PSMC1: variants seen among roughly 807,000 people sequenced by gnomAD.
PSMC1 encodes proteasome 26S subunit, ATPase 1.
A neutral mutation model predicts 49.8 loss-of-function variants in PSMC1; 5 were observed. The observed-to-expected ratio is 0.10, with a 90% CI of 0.05 to 0.21. The LOEUF is 0.21. Among genes scored for constraint, PSMC1 ranks in the 10% least tolerant of loss-of-function variants. PSMC1 has a pLI of 1.00. For synonymous variants in PSMC1, 155 were observed against 192.1 expected (o/e 0.81, Z 1.60); for missense variants, 181 against 535.7 (o/e 0.34, Z 6.54).
rs1595042316 is a variant in PSMC1 at position 90,264,021 on chromosome 14, A to C, written c.466-20A>C. ...AGCAAACCTCACGTTCCTGTGTTAAACCTTGATGTTTCCTGTTAGGTGCAT... is the reference window on the plus strand; with the variant it reads ...AGCAAACCTCACGTTCCTGTGTTAACCCTTGATGTTTCCTGTTAGGTGCAT... On this transcript the variant is annotated intron_variant, in intron 5 of 10. Transcript: ENST00000261303. 12 of 1,602,416 alleles carry C rather than the reference A, an allele frequency of 7.5e-6. No homozygotes were observed. Among genetic ancestry groups the C allele is most frequent in the Non-Finnish European group, 1.0e-5 (12 of 1,175,440 alleles).
rs1174630156 is a variant in PSMC1, at chr14:90,273,332, G to A, written c.*925G>A. On this transcript the variant is annotated 3_prime_UTR_variant, in exon 11 of 11. Transcript: ENST00000261303. ...CCCAGCACTTTGGGAAGCTGAGGCA[G>A]GCGGATCACAAGGTCAGAAGTTTGA... 6.6e-6 allele frequency: 1 copy of A among 152,234 alleles called. No individual in the cohort carries two copies. The highest frequency in any genetic ancestry group is 6.5e-5 in the Admixed American group (1 of 15,280). The allele number at this position is 152,234 out of a possible 1,614,324, so 9.4% of individuals were successfully genotyped here.
intron 6 of PSMC1, 21 bp from the exon 7 acceptor site, chr14:90,265,049 C>G (rs746729542): frequency 5.8e-6 from 9 of 1,541,228 alleles, no homozygotes; most frequent in Non-Finnish European, 8.1e-6. Context: ...TAAAGCCTTT[C>G]ATTCATACTG....
Position 90,262,565 on chromosome 14 carries a change from A to G in PSMC1, c.155-753A>G, listed in dbSNP as rs1380720252. Among the ~76,000 whole-genome samples, 3 of 152,232 alleles carry G rather than the reference A, an allele frequency of 2.0e-5. No individual in the cohort carries two copies. The East Asian group carries it at 5.8e-4, about 29-fold the overall frequency. On this transcript the variant is annotated intron_variant, in intron 3 of 10. Coordinates refer to ENST00000261303, the MANE Select transcript of PSMC1 (RefSeq NM_002802.3). ...TTTGGGAGGCTGAGGCAGGTGGATC[A>G]CGAGGTCAGGAGATTGGGACCATCC...
chr14:90,256,959 G>A (rs1256625080), intron 1 of PSMC1, among the ~76,000 whole-genome samples: 1 of 152,118 alleles, frequency 6.6e-6, no homozygotes, highest in Non-Finnish European at 1.5e-5. Flanking sequence ...CGAGTCACCG[G>A]GAAAAATGCT....
intron 7 of PSMC1, 98 bp from the exon 8 acceptor site, chr14:90,268,126 G>A: frequency 9.9e-7 from 1 of 1,011,240 alleles, no homozygotes; most frequent in Non-Finnish European, 1.4e-6. Context: ...GGGCCCGCCT[G>A]TTTTTGGTGT....
At position 90,263,402 on chromosome 14, in the gene PSMC1, G is replaced by A; in HGVS notation, c.239G>A (p.Arg80Lys). The A allele has an allele frequency of 6.3e-7, 1 of 1,591,774 alleles. No individual in the cohort carries two copies. The highest frequency in any genetic ancestry group is 8.5e-7 in the Non-Finnish European group (1 of 1,171,814). The stretch of plus-strand genomic sequence containing the variant: ...CTTCTCATGGAGGAAGAATTCATTA[G>A]AAATCAGGAACAAATGAAACCATTA... ...DYLLMEEEFI[R>K]NQEQMKPLEE... is the part of the protein sequence containing the mutation. Residue 80 changes from arginine (R) to lysine (K), a missense_variant, in exon 4 of 11, where the codon AGA becomes AAA. Coordinates refer to ENST00000261303, the MANE Select transcript of PSMC1 (RefSeq NM_002802.3).
At chr14:90,271,869 T>C (rs1460235436) in intron 10 of PSMC1, 1 of 153,076 alleles carries the variant, frequency 6.5e-6, no homozygotes. Context: ...AGTCTAGGTG[T>C]CTCATGCTTT....
At chr14:90,268,155 A>T in intron 7 of PSMC1, 69 bp from the exon 8 acceptor site, 2 of 1,307,538 alleles carry the variant, frequency 1.5e-6, no homozygotes, top group African/African-American at 3.0e-5. Context: ...GGTGGTAATG[A>T]TACGAGTTTT....
chr14:90,263,820 T>C lies in PSMC1; in HGVS notation c.438T>C (p.Pro146=), dbSNP rs1008590691. ...LSFVDKDLLE[P]GCSVLLNHKV... ...TTGTAGACAAGGATCTGCTGGAACCTGGCTGCTCGGTCCTGCTCAACCACA... is the reference window on the plus strand; with the variant it reads ...TTGTAGACAAGGATCTGCTGGAACCCGGCTGCTCGGTCCTGCTCAACCACA... The change falls in exon 5 of 11, where the codon CCT becomes CCC. Residue 146 remains proline, a synonymous_variant. Transcript: ENST00000261303. 8 of 1,614,200 alleles carry C rather than the reference T, an allele frequency of 5.0e-6. No individual in the cohort carries two copies. Among genetic ancestry groups the C allele is most frequent in the Non-Finnish European group, 6.8e-6 (8 of 1,180,018 alleles).
Position 90,265,230 on chromosome 14 carries a change from G to T in PSMC1, c.691+64G>T, listed in dbSNP as rs946465328. On this transcript the variant is annotated intron_variant, in intron 7 of 10. Transcript: ENST00000261303. ...GTCTCTTGAGCAGCAGCATTGGCTA[G>T]TTATAATTACTGAACTAATAAGAGA... 2.6e-6 allele frequency: 3 copies of T among 1,145,592 alleles called. No individual in the cohort carries two copies. The African/African-American group carries it at 4.7e-5, about 18-fold the overall frequency. 71.0% of individuals were successfully genotyped at this position (1,145,592 alleles called of 1,614,324 possible).
At chr14:90,265,817 C>T (rs1891498051) in intron 7 of PSMC1, among the ~76,000 whole-genome samples, 1 of 151,670 alleles carries the variant, frequency 6.6e-6, no homozygotes, top group African/African-American at 2.4e-5. Flanking sequence ...CATGATCACA[C>T]CACTGCATTT....
chr14:90,266,016 G>A (rs901206896), intron 7 of PSMC1, among the ~76,000 whole-genome samples: 10 of 152,150 alleles, frequency 6.6e-5, no homozygotes, highest in Non-Finnish European at 1.0e-4. Context: ...AGCACTGTGA[G>A]AGGTCAAGGC....
Position 90,268,201 on chromosome 14 carries a change from TTTATC to T in PSMC1, c.692-20_692-16del. 1.3e-6 allele frequency: 2 copies of T among 1,545,026 alleles called. No individual in the cohort carries two copies. Among genetic ancestry groups the T allele is most frequent in the Non-Finnish European group, 1.7e-6 (2 of 1,152,130 alleles). On this transcript the variant is annotated intron_variant, in intron 7 of 10. Transcript: ENST00000261303. ...TGGCACTTAAGGTGTCTTTTTTTTTTTTATCTTTTTCATCCAAAATAGGTAAAACC... is the reference window on the plus strand; with the variant it reads ...TGGCACTTAAGGTGTCTTTTTTTTTTTTTTTCATCCAAAATAGGTAAAACC...
At chr14:90,269,290 C>T in intron 8 of PSMC1, 107 bp from the exon 9 acceptor site, 1 of 978,796 alleles carries the variant, frequency 1.0e-6, no homozygotes, top group Non-Finnish European at 1.5e-6. Context: ...TGAGTTGAAA[C>T]AGGAATGTTT....
intron 9 of PSMC1, chr14:90,269,974 G>A: frequency 1.9e-6 from 1 of 517,068 alleles, no homozygotes; most frequent in Non-Finnish European, 3.4e-6. Context: ...ATTTATTTCT[G>A]AAGGTACCAA....
chr14:90,263,037 C>T (rs1347272893), intron 3 of PSMC1, among the ~76,000 whole-genome samples: 1 of 152,106 alleles, frequency 6.6e-6, no homozygotes, highest in Non-Finnish European at 1.5e-5. Context: ...TCTGATGGGT[C>T]AGTAGCTTTT....
rs550439193 is a variant in PSMC1, at chr14:90,273,961, C to T, written c.*1554C>T. ...CCATGCAGATGATCCAGGATAATTT[C>T]CCTGTTTTAAAGTTTACAATCTTCT... is the stretch of plus-strand genomic sequence containing the variant. On this transcript the variant is annotated 3_prime_UTR_variant, in exon 11 of 11. Coordinates refer to ENST00000261303, the MANE Select transcript of PSMC1 (RefSeq NM_002802.3). 1.7e-4 allele frequency: 25 copies of T among 151,402 alleles called. No individual in the cohort carries two copies. Among genetic ancestry groups the T allele is most frequent in the Middle Eastern group, 5.2e-4 (1 of 1,922 alleles). 9.4% of individuals were successfully genotyped at this position (151,402 alleles called of 1,614,324 possible).
In PSMC1 at chr14:90,264,088, C is replaced by T; in HGVS notation, c.513C>T (p.Val171=). The change falls in exon 6 of 11, where the codon GTC becomes GTT. Residue 171 remains valine, a synonymous_variant. Coordinates refer to ENST00000261303, the MANE Select transcript of PSMC1 (RefSeq NM_002802.3). ...GVLMDDTDPL[V]TVMKVEKAPQ... is the part of the protein sequence containing the mutation. ...TGATGGATGACACGGATCCCCTGGTCACAGTGATGAAGGTAGAAAAGGCCC... is the reference window on the plus strand; with the variant it reads ...TGATGGATGACACGGATCCCCTGGTTACAGTGATGAAGGTAGAAAAGGCCC... 6.2e-7 allele frequency: 1 copy of T among 1,613,280 alleles called. No homozygotes were observed. The highest frequency in any genetic ancestry group is 1.1e-5 in the South Asian group (1 of 91,026).
chr14:90,256,837 AG>A (rs1891303988), intron 1 of PSMC1, among the ~76,000 whole-genome samples: 1 of 151,946 alleles, frequency 6.6e-6, no homozygotes, highest in Admixed American at 6.5e-5. Context: ...GAGCAGAGAG[AG>A]GGTCTCCTGC....
Sources: gnomAD v4.1 joint callset for allele counts (sites outside exome capture counted in the v4.1 genomes callset) on GRCh38, gnomAD v4.1.1 for gene constraint, MANE v1.5 for transcripts, NCBI Gene and HGNC (gene_info 2026-07-23, HGNC 2026-07-21) for gene names.